The following SNX10 variants were observed in gnomAD, a reference collection of about 807,000 sequenced individuals.
SNX10 encodes the protein sorting nexin 10, also known as sorting nexin-10.
In SNX10, 25 loss-of-function variants were observed where a neutral mutation model predicts 28.5. That is an observed-to-expected ratio of 0.88 (90% CI 0.64 to 1.22). SNX10 has a LOEUF of 1.22. Among genes scored for constraint, SNX10 ranks in the 50% most tolerant of loss-of-function variants. The pLI, the probability that SNX10 is intolerant of heterozygous loss-of-function variation, is 0.00. For missense variants in SNX10, 223 were observed against 242.6 expected (o/e 0.92, Z 0.54); for synonymous variants, 62 against 81.4 (o/e 0.76, Z 1.28).
chr7:26,339,599 G>A (rs1377974105), intron 1 of SNX10, among the ~76,000 whole-genome samples: 2 of 141,146 alleles, frequency 1.4e-5, no homozygotes, highest in African/African-American at 2.7e-5. Flanking sequence ...GCATGATCTC[G>A]GCTCACTGTA....
chr7:26,367,939 C>G (rs1206103047), intron 5 of SNX10, among the ~76,000 whole-genome samples: 2 of 152,182 alleles, frequency 1.3e-5, no homozygotes, highest in Non-Finnish European at 2.9e-5. Context: ...ACCAGAAGCA[C>G]TAAATATGTT....
chr7:26,305,353 G>T (rs75994180), intron 1 of SNX10, among the ~76,000 whole-genome samples: 1,585 of 152,308 alleles, frequency 0.01, 29 homozygotes, highest in African/African-American at 0.037. Flanking sequence ...CTCCTTAGAA[G>T]TTATAAATAC....
chr7:26,300,003 G>T (rs1463577357), intron 1 of SNX10, among the ~76,000 whole-genome samples: 1 of 152,038 alleles, frequency 6.6e-6, no homozygotes, highest in East Asian at 2.0e-4. Flanking sequence ...CTGAGGTCAG[G>T]AGTTCAAGAC....
At chr7:26,343,007 G>A (rs112164596) in intron 1 of SNX10, among the ~76,000 whole-genome samples, 11,695 of 151,894 alleles carry the variant, frequency 0.077, 523 homozygotes, top group Admixed American at 0.11. Flanking sequence ...ATGGGGTTTC[G>A]CCATGTTATC....
At chr7:26,334,380 G>T (rs966383070) in intron 1 of SNX10, among the ~76,000 whole-genome samples, 41 of 152,184 alleles carry the variant, frequency 2.7e-4, no homozygotes, top group African/African-American at 9.9e-4. Flanking sequence ...TCTCTCATAT[G>T]TAATTTTTCA....
chr7:26,346,378 T>G, intron 1 of SNX10, 42 bp from the exon 2 acceptor site: 1 of 1,273,294 alleles, frequency 7.9e-7, no homozygotes, highest in Non-Finnish European at 1.2e-6. Context: ...CACTCCAGTT[T>G]GGAGGTTCCA....
intron 1 of SNX10, among the ~76,000 whole-genome samples, chr7:26,314,367 G>A (rs1651102998): frequency 6.6e-6 from 1 of 151,802 alleles, no homozygotes; most frequent in South Asian, 2.1e-4. Flanking sequence ...CGATTCTCCT[G>A]CCTCAGCCTC....
intron 1 of SNX10, among the ~76,000 whole-genome samples, chr7:26,304,246 T>A (rs1323785006): frequency 1.3e-5 from 2 of 152,206 alleles, no homozygotes; most frequent in Non-Finnish European, 2.9e-5. Flanking sequence ...CATTTGTTTG[T>A]TTAGACCAGA....
intron 1 of SNX10, among the ~76,000 whole-genome samples, chr7:26,307,665 G>T (rs1330934704): frequency 3.4e-5 from 5 of 147,404 alleles, no homozygotes; most frequent in African/African-American, 1.0e-4. Flanking sequence ...TTGCCATGTT[G>T]CCCAGGCTAG....
intron 1 of SNX10, among the ~76,000 whole-genome samples, chr7:26,307,390 A>T (rs1786641757): frequency 6.6e-6 from 1 of 152,100 alleles, no homozygotes; most frequent in African/African-American, 2.4e-5. Flanking sequence ...CCTGTGAGTC[A>T]TCCTTGACTC....
intron 1 of SNX10, among the ~76,000 whole-genome samples, chr7:26,304,442 A>G (rs1418729995): frequency 6.6e-6 from 1 of 152,178 alleles, no homozygotes. Context: ...AAGCAGACAG[A>G]GCAGTCTTTT....
At chr7:26,345,757 A>G (rs894092907) in intron 1 of SNX10, among the ~76,000 whole-genome samples, 6 of 152,154 alleles carry the variant, frequency 3.9e-5, no homozygotes, top group Non-Finnish European at 8.8e-5. Context: ...TAGGCAGGGA[A>G]TTTAAATTTG....
At position 26,372,746 on chromosome 7, in the gene SNX10, G is replaced by T. The variant is rs1438252237; in HGVS notation, c.*174G>T. ...GTATTTTTATGTTGTCTTATTTTAG[G>T]TAAGCTTCTGTGTAAAGCTAAAAAT... On this transcript the variant is annotated 3_prime_UTR_variant, in exon 7 of 7. Transcript: ENST00000338523. 1 of 535,252 alleles carries T rather than the reference G, an allele frequency of 1.9e-6. No homozygotes were observed. Among genetic ancestry groups the T allele is most frequent in the Non-Finnish European group, 3.3e-6 (1 of 300,450 alleles). 33.2% of individuals were successfully genotyped at this position (535,252 alleles called of 1,614,324 possible). A position where few individuals can be genotyped will look rare whatever the true frequency, so the allele number is the denominator to read the frequency against.
chr7:26,354,378 C>T (rs768391789), intron 2 of SNX10, among the ~76,000 whole-genome samples: 1 of 152,132 alleles, frequency 6.6e-6, no homozygotes, highest in Non-Finnish European at 1.5e-5. Flanking sequence ...GAGACAGGGT[C>T]TCTCTTGTTG....
chr7:26,313,592 T>C (rs933496700), intron 1 of SNX10, among the ~76,000 whole-genome samples: 3 of 152,276 alleles, frequency 2.0e-5, no homozygotes, highest in East Asian at 1.9e-4. Context: ...ATTAGACGAA[T>C]TGGGGGCCCT....
intron 1 of SNX10, among the ~76,000 whole-genome samples, chr7:26,312,381 A>G (rs992629459): frequency 1.3e-5 from 2 of 152,270 alleles, no homozygotes; most frequent in Non-Finnish European, 2.9e-5. Context: ...ACTTTATGTT[A>G]TGTATTAAGG....
In SNX10 at chr7:26,293,861, T is replaced by TA. The variant is rs200536938; in HGVS notation, c.-24+1783dup. Among the ~76,000 whole-genome samples the TA allele has an allele frequency of 9.8e-3, 1,487 of 152,086 alleles. 10 individuals are homozygous for TA. Among genetic ancestry groups the TA allele is most frequent in the Non-Finnish European group, 0.014 (983 of 67,956 alleles). On this transcript the variant is annotated intron_variant, in intron 1 of 6. Coordinates refer to ENST00000338523, the MANE Select transcript of SNX10 (RefSeq NM_013322.3). Reference sequence around the variant, plus strand: ...AAGTAATAGAAATAAGCACGTTCATTAAAAAAAATAAAAGTATGTTAATCA... The same window carrying TA: ...AAGTAATAGAAATAAGCACGTTCATTAAAAAAAAATAAAAGTATGTTAATCA...
At chr7:26,345,926 TCCC>T (rs1788367863) in intron 1 of SNX10, among the ~76,000 whole-genome samples, 1 of 152,084 alleles carries the variant, frequency 6.6e-6, no homozygotes. Context: ...CCTGGCTTTA[TCCC>T]GCTGAGGGCC....
At chr7:26,306,601 C>T (rs1011165901) in intron 1 of SNX10, among the ~76,000 whole-genome samples, 9 of 151,720 alleles carry the variant, frequency 5.9e-5, no homozygotes, top group Non-Finnish European at 1.2e-4. Context: ...AGATGGGTTT[C>T]GTCATGTTGC....
Sources: gnomAD v4.1 joint callset for allele counts (sites outside exome capture counted in the v4.1 genomes callset) on GRCh38, gnomAD v4.1.1 for gene constraint, MANE v1.5 for transcripts, NCBI Gene and HGNC (gene_info 2026-07-23, HGNC 2026-07-21) for gene names.